CCDC85C: variants seen among roughly 807,000 people sequenced by gnomAD.
CCDC85C encodes coiled-coil domain containing 85C.
CCDC85C carries 18 observed loss-of-function variants against 38.3 expected under a neutral mutation model. The observed-to-expected ratio is 0.47, with a 90% CI of 0.33 to 0.70. The LOEUF is 0.70. Ranked by LOEUF, CCDC85C falls within the 30% of genes least tolerant of loss-of-function variation. The pLI is 0.03. For missense variants in CCDC85C, 566 were observed against 621.2 expected, an observed-to-expected ratio of 0.91 and a Z score of 0.94; for synonymous variants, 264 against 293.8, an observed-to-expected ratio of 0.90 and a Z score of 1.04.
chr14:99,534,666 T>C (rs10151574), intron 2 of CCDC85C: 27,801 of 702,218 alleles, frequency 0.04, 3,275 homozygotes, highest in African/African-American at 0.33. Flanking sequence ...GCCTACAGCT[T>C]CCACACACCC....
intron 1 of CCDC85C, among the ~76,000 whole-genome samples, chr14:99,581,985 T>C (rs2054975281): frequency 6.6e-6 from 1 of 152,100 alleles, no homozygotes; most frequent in Non-Finnish European, 1.5e-5. Flanking sequence ...GCATGCCCCG[T>C]TTCCCCAGGG....
At chr14:99,549,039 G>A (rs1459224203) in intron 1 of CCDC85C, among the ~76,000 whole-genome samples, 6 of 152,132 alleles carry the variant, frequency 3.9e-5, no homozygotes, top group Admixed American at 6.5e-5. Context: ...GGGAAAAGTC[G>A]GGGAGGGAGG....
Position 99,588,869 on chromosome 14 carries a change from G to A in CCDC85C, c.793+14298C>T, listed in dbSNP as rs1053856744. Among the ~76,000 whole-genome samples the A allele has an allele frequency of 6.6e-6, 1 of 152,090 alleles. No homozygotes were observed. The highest frequency in any genetic ancestry group is 1.5e-5 in the Non-Finnish European group (1 of 68,024). ...AAAAAGGATGGCCTGAGCTCCTACA[G>A]CTTCCCCAAGTTCCTCCGGGGTCTC... On this transcript the variant is annotated intron_variant, in intron 1 of 5. Coordinates refer to ENST00000380243, the MANE Select transcript of CCDC85C (RefSeq NM_001144995.2). The surrounding 1 kb of genome is among the most constrained non-coding windows in gnomAD (Gnocchi z 5.0).
At chr14:99,600,983 C>T (rs942617004) in intron 1 of CCDC85C, among the ~76,000 whole-genome samples, 1 of 152,116 alleles carries the variant, frequency 6.6e-6, no homozygotes, top group African/African-American at 2.4e-5. Flanking sequence ...CATGAGTGTT[C>T]CATTGCACTC....
chr14:99,538,703 C>T (rs937988499), intron 1 of CCDC85C, among the ~76,000 whole-genome samples: 3 of 152,236 alleles, frequency 2.0e-5, no homozygotes, highest in Non-Finnish European at 2.9e-5. Context: ...CCACAGCTGC[C>T]CCGTCAGCCT....
At position 99,603,507 on chromosome 14, in the gene CCDC85C, C is replaced by T. The variant is rs184163142; in HGVS notation, c.453G>A (p.Leu151=). The change falls in exon 1 of 6, where the codon CTG becomes CTA. Residue 151 remains leucine, a synonymous_variant. Coordinates refer to ENST00000380243, the MANE Select transcript of CCDC85C (RefSeq NM_001144995.2). The surrounding 1 kb of genome is among the most constrained non-coding windows in gnomAD (Gnocchi z 7.5). ...CCGCCAGTGCCGCGCGCTCCTCGTC[C>T]AGCAGCAGCACCAGCTCCTTGAGCT... is the stretch of plus-strand genomic sequence containing the variant. ...NLELKELVLL[L]DEERAALAAT... 2.3e-6 allele frequency: 3 copies of T among 1,327,410 alleles called. No homozygotes were observed. The highest frequency in any genetic ancestry group is 1.9e-6 in the Non-Finnish European group (2 of 1,045,556). 82.2% of individuals were successfully genotyped at this position (1,327,410 alleles called of 1,614,324 possible). A position where few individuals can be genotyped will look rare whatever the true frequency, so the allele number is the denominator to read the frequency against.
intron 1 of CCDC85C, among the ~76,000 whole-genome samples, chr14:99,557,636 G>A (rs1898037498): frequency 6.6e-6 from 1 of 152,190 alleles, no homozygotes; most frequent in Non-Finnish European, 1.5e-5. Flanking sequence ...GGTACAGGTG[G>A]CTCCCACATG....
intron 1 of CCDC85C, among the ~76,000 whole-genome samples, chr14:99,564,780 T>C (rs1898183324): frequency 6.6e-6 from 1 of 152,150 alleles, no homozygotes; most frequent in Non-Finnish European, 1.5e-5. Context: ...TTGGCAACCG[T>C]CCAAATTAAA....
At chr14:99,565,885 G>A (rs911351416) in intron 1 of CCDC85C, among the ~76,000 whole-genome samples, 1 of 152,226 alleles carries the variant, frequency 6.6e-6, no homozygotes, top group Non-Finnish European at 1.5e-5. Context: ...TGATACACGA[G>A]GGCATGCCAG....
intron 1 of CCDC85C, among the ~76,000 whole-genome samples, chr14:99,566,309 G>A (rs1474519599): frequency 6.7e-6 from 1 of 149,694 alleles, no homozygotes; most frequent in Non-Finnish European, 1.5e-5. Flanking sequence ...GACCTCCAAG[G>A]TAAGCACTAT....
At chr14:99,593,760 G>A (rs1427577567) in intron 1 of CCDC85C, among the ~76,000 whole-genome samples, 2 of 152,198 alleles carry the variant, frequency 1.3e-5, no homozygotes, top group Admixed American at 6.5e-5. Flanking sequence ...GCTGTTCTCC[G>A]GGATCCTGGC....
intron 1 of CCDC85C, among the ~76,000 whole-genome samples, chr14:99,546,067 G>GTA (rs1897801895): frequency 6.6e-6 from 1 of 151,096 alleles, no homozygotes; most frequent in African/African-American, 2.5e-5. Flanking sequence ...TGGGGGGGGG[G>GTA]AATAAACAAC....
chr14:99,555,734 G>C (rs1458339892), intron 1 of CCDC85C, among the ~76,000 whole-genome samples: 1 of 152,194 alleles, frequency 6.6e-6, no homozygotes, highest in Non-Finnish European at 1.5e-5. Context: ...TGGATGCTGA[G>C]ACAAGTGCGT....
At chr14:99,525,634 C>T (rs1257189170) in intron 2 of CCDC85C, among the ~76,000 whole-genome samples, 1 of 152,232 alleles carries the variant, frequency 6.6e-6, no homozygotes, top group African/African-American at 2.4e-5. Context: ...CACGCTGTGC[C>T]CCATCAGGGA....
intron 1 of CCDC85C, among the ~76,000 whole-genome samples, chr14:99,573,826 C>T (rs1178039284): frequency 6.6e-6 from 1 of 152,188 alleles, no homozygotes; most frequent in Non-Finnish European, 1.5e-5. Context: ...CCCTGCCCTG[C>T]AGAAGCCTGG....
rs146368918 is a variant in CCDC85C at position 99,577,648 on chromosome 14, G to A, written c.793+25519C>T. Among the ~76,000 whole-genome samples the A allele has an allele frequency of 1.4e-4, 21 of 151,784 alleles. No homozygotes were observed. In the East Asian group the frequency reaches 3.7e-3, roughly 27 times the overall value. ...TGCATGTGTGTGTGCATGTATCCAT[G>A]CCCATACAGCCCGTCCTGCATCCCC... is the stretch of plus-strand genomic sequence containing the variant. On this transcript the variant is annotated intron_variant, in intron 1 of 5. Transcript: ENST00000380243.
intron 1 of CCDC85C, among the ~76,000 whole-genome samples, chr14:99,594,996 C>T (rs2055128133): frequency 6.6e-6 from 1 of 152,234 alleles, no homozygotes; most frequent in South Asian, 2.1e-4. Context: ...TAACAGGTAA[C>T]TCTGGGTCCT....
intron 1 of CCDC85C, among the ~76,000 whole-genome samples, chr14:99,591,432 G>GAGGCTC (rs2055085128): frequency 2.0e-5 from 3 of 152,210 alleles, no homozygotes; most frequent in Admixed American, 1.3e-4. Context: ...TGCGGAGGCT[G>GAGGCTC]CCACGGCTCC....
chr14:99,599,408 G>A (rs1259602039), intron 1 of CCDC85C, among the ~76,000 whole-genome samples: 1 of 152,150 alleles, frequency 6.6e-6, no homozygotes, highest in African/African-American at 2.4e-5. Flanking sequence ...CTGTCGTGGG[G>A]CACAGGAGAC....
Sources: allele counts gnomAD v4.1 joint callset (sites outside exome capture counted in the v4.1 genomes callset), GRCh38; gene constraint gnomAD v4.1.1; non-coding constraint Gnocchi (gnomAD v3.1); transcripts MANE v1.5; gene names NCBI Gene and HGNC (gene_info 2026-07-23, HGNC 2026-07-21).